ASH2L: variants seen among roughly 807,000 people sequenced by gnomAD.
The protein encoded by ASH2L is ASH2 like, histone lysine methyltransferase complex subunit.
A neutral mutation model predicts 81.1 loss-of-function variants in ASH2L; 30 were observed. The ratio of observed to expected loss-of-function variants is 0.37; its 90% CI spans 0.28 to 0.50. The LOEUF is 0.50. Ranked by LOEUF, ASH2L falls within the 20% of genes least tolerant of loss-of-function variation. The pLI is 0.95. For synonymous variants in ASH2L, 273 were observed against 279.9 expected, an observed-to-expected ratio of 0.98 and a Z score of 0.24; for missense variants, 559 against 792.1, an observed-to-expected ratio of 0.71 and a Z score of 3.53.
intron 12 of ASH2L, among the ~76,000 whole-genome samples, chr8:38,130,882 AT>A (rs910716356): frequency 6.6e-6 from 1 of 152,182 alleles, no homozygotes; most frequent in African/African-American, 2.4e-5. Flanking sequence ...GCCCGACCAG[AT>A]TTTTATGTAT....
intron 9 of ASH2L, among the ~76,000 whole-genome samples, chr8:38,120,618 T>TCCCCCCCCCCCCCCC (rs33928804): frequency 4.4e-4 from 2 of 4,582 alleles, no homozygotes; most frequent in Non-Finnish European, 1.7e-3. Context: ...TCTCCTCCCT[T>TCCCCCCCCCCCCCCC]CCCCCCCCCC....
At chr8:38,123,054 A>C (rs1801695844) in intron 10 of ASH2L, among the ~76,000 whole-genome samples, 1 of 146,052 alleles carries the variant, frequency 6.8e-6, no homozygotes, top group African/African-American at 2.5e-5. Flanking sequence ...CTCATATTTA[A>C]TATGCACATA....
chr8:38,120,453 C>T (rs2130518938), intron 9 of ASH2L, among the ~76,000 whole-genome samples: 1 of 152,208 alleles, frequency 6.6e-6, no homozygotes, highest in Non-Finnish European at 1.5e-5. Flanking sequence ...TTTGCTCTAT[C>T]ACCCAGGCTG....
At chr8:38,108,602 G>A (rs1296447598) in intron 3 of ASH2L, among the ~76,000 whole-genome samples, 1 of 151,332 alleles carries the variant, frequency 6.6e-6, no homozygotes, top group Non-Finnish European at 1.5e-5. Context: ...GGCTGATCAC[G>A]AGGTCAGGAG....
chr8:38,115,760 T>C (rs1397192929), intron 7 of ASH2L, among the ~76,000 whole-genome samples: 1 of 152,218 alleles, frequency 6.6e-6, no homozygotes, highest in Non-Finnish European at 1.5e-5. Flanking sequence ...GCACTCTGGT[T>C]TGCCCTGTGC....
intron 8 of ASH2L, 68 bp from the exon 9 acceptor site, chr8:38,119,202 T>C: frequency 7.1e-7 from 1 of 1,407,856 alleles, no homozygotes; most frequent in Non-Finnish European, 9.8e-7. Context: ...TTGGTCCCTA[T>C]GGAATTTCAG....
At chr8:38,133,391 G>GT (rs1228678994) in intron 12 of ASH2L, 63 bp from the exon 13 acceptor site, 5 of 1,211,432 alleles carry the variant, frequency 4.1e-6, no homozygotes, top group African/African-American at 3.0e-5. Flanking sequence ...GTGCGGATGC[G>GT]TTTTTTTCAT....
In ASH2L at chr8:38,114,114, C is replaced by T. The variant is rs546220937; in HGVS notation, c.586-78C>T. On this transcript the variant is annotated intron_variant, in intron 5 of 15. Coordinates refer to ENST00000343823, the MANE Select transcript of ASH2L (RefSeq NM_004674.5). ...TTTCTCTTGATTCTAACAAGATCTT[C>T]GAAAAATGCTGTTTTCTTTCTTTGT... 88 of 861,274 alleles carry T rather than the reference C, an allele frequency of 1.0e-4. 1 individual carries two copies. The East Asian group carries it at 1.4e-3, about 14-fold the overall frequency. The allele number at this position is 861,274 out of a possible 1,614,324, so 53.4% of individuals were successfully genotyped here.
Position 38,128,786 on chromosome 8 carries a change from T to C in ASH2L, c.1362T>C (p.Asp454=). Residue 454 remains aspartate (D), a synonymous_variant, in exon 12 of 16, where the codon GAT becomes GAC. Transcript: ENST00000343823. ...ACCTTCAAGCTCCTTTAGGTTATGA[T>C]AAATTTAGCTATTCTTGGCGGAGCA... ...LGNLQAPLGY[D]KFSYSWRSKK... is the part of the protein sequence containing the mutation. 1 of 1,613,956 alleles carries C rather than the reference T, an allele frequency of 6.2e-7. No homozygotes were observed. Among genetic ancestry groups the C allele is most frequent in the Non-Finnish European group, 8.5e-7 (1 of 1,179,992 alleles).
At chr8:38,125,281 T>C (rs1388968866) in intron 10 of ASH2L, among the ~76,000 whole-genome samples, 2 of 152,194 alleles carry the variant, frequency 1.3e-5, no homozygotes, top group Admixed American at 1.3e-4. Context: ...TAAAAAAATA[T>C]ATATATCACC....
intron 14 of ASH2L, chr8:38,137,358 A>G (rs1802299049): frequency 6.7e-6 from 1 of 150,118 alleles, no homozygotes; most frequent in Non-Finnish European, 1.5e-5. Flanking sequence ...CATCCTGGCT[A>G]ACACGGTGAA....
intron 1 of ASH2L, 35 bp downstream of exon 1, chr8:38,105,773 G>T (rs769283544): frequency 4.0e-6 from 6 of 1,500,280 alleles, no homozygotes; most frequent in Non-Finnish European, 5.3e-6. Context: ...AGACGCGGGA[G>T]GGAGGCCCGC....
intron 4 of ASH2L, 129 bp from the exon 5 acceptor site, chr8:38,110,610 A>T (rs1810642735): frequency 6.2e-6 from 7 of 1,125,334 alleles, no homozygotes; most frequent in Non-Finnish European, 9.2e-6. Flanking sequence ...GCAATTGCCC[A>T]TTTCAGGTCA....
chr8:38,131,366 A>G (rs1802052261), intron 12 of ASH2L, among the ~76,000 whole-genome samples: 1 of 152,144 alleles, frequency 6.6e-6, no homozygotes, highest in African/African-American at 2.4e-5. Flanking sequence ...AAAAAAAAAA[A>G]CAAATTTTTT....
At chr8:38,110,603 AT>A in intron 4 of ASH2L, 135 bp from the exon 5 acceptor site, 2 of 1,127,902 alleles carry the variant, frequency 1.8e-6, no homozygotes, top group Non-Finnish European at 1.3e-6. Flanking sequence ...AATAATTGCA[AT>A]TGCCCATTTC....
intron 12 of ASH2L, among the ~76,000 whole-genome samples, chr8:38,131,721 G>A (rs568323523): frequency 6.6e-5 from 10 of 152,036 alleles, no homozygotes; most frequent in South Asian, 2.1e-4. Context: ...TTCAAAAGCC[G>A]CATATATACT....
Position 38,106,120 on chromosome 8 carries a change from C to T in ASH2L, c.189-258C>T. The T allele has an allele frequency of 2.0e-6, 3 of 1,527,580 alleles. No homozygotes were observed. In the South Asian group the frequency reaches 3.6e-5, roughly 18 times the overall value. 94.6% of individuals were successfully genotyped at this position (1,527,580 alleles called of 1,614,324 possible). On this transcript the variant is annotated intron_variant, in intron 1 of 15. Transcript: ENST00000343823. ...GAGCTGCCTCTCTTTGAACCTCTCC[C>T]AGGACCAACTCTAACCCAGGTAGAT...
chr8:38,121,239 A>C, intron 10 of ASH2L, 90 bp downstream of exon 10: 13 of 1,182,834 alleles, frequency 1.1e-5, no homozygotes, highest in Non-Finnish European at 1.6e-5. Flanking sequence ...TGTACATCTC[A>C]GTCTGTTGCC....
intron 10 of ASH2L, among the ~76,000 whole-genome samples, chr8:38,126,825 G>T (rs1262849491): frequency 7.8e-6 from 1 of 128,934 alleles, no homozygotes; most frequent in Admixed American, 9.0e-5. Flanking sequence ...CTGCACTCCA[G>T]CCTGGGCAAA....
Sources: allele counts gnomAD v4.1 joint callset (sites outside exome capture counted in the v4.1 genomes callset), GRCh38; gene constraint gnomAD v4.1.1; transcripts MANE v1.5; gene names NCBI Gene and HGNC (gene_info 2026-07-23, HGNC 2026-07-21).